The following TTLL3 variants were observed in gnomAD, a reference collection of about 807,000 sequenced individuals.
The protein encoded by TTLL3 is tubulin tyrosine ligase like 3.
A neutral mutation model predicts 75.2 loss-of-function variants in TTLL3; 63 were observed. That is an observed-to-expected ratio of 0.84 (90% confidence interval 0.68 to 1.03). TTLL3 has a LOEUF of 1.03. Among genes scored for constraint, TTLL3 ranks in the 50% least tolerant of loss-of-function variants. The pLI, the probability that TTLL3 is intolerant of heterozygous loss-of-function variation, is 0.00. For synonymous variants in TTLL3, 393 were observed against 418.5 expected (o/e 0.94, Z 0.74); for missense variants, 997 against 1,069.9 (o/e 0.93, Z 0.95).
At chr3:9,816,276 C>T in intron 5 of TTLL3, 74 bp downstream of exon 5, 2 of 1,285,858 alleles carry the variant, frequency 1.6e-6, no homozygotes, top group Non-Finnish European at 2.1e-6. Flanking sequence ...CCTCCCTGCT[C>T]ACCTTGTTAG....
intron 12 of TTLL3, 25 bp downstream of exon 12, chr3:9,833,270 A>C: frequency 2.5e-6 from 4 of 1,612,716 alleles, no homozygotes; most frequent in Middle Eastern, 1.8e-4. Context: ...ACCCCTACCC[A>C]CAGGTCAGCT....
intron 2 of TTLL3, among the ~76,000 whole-genome samples, chr3:9,812,043 T>C (rs991439125): frequency 1.3e-5 from 2 of 152,246 alleles, no homozygotes; most frequent in Non-Finnish European, 2.9e-5. Flanking sequence ...CTCTGTTTCA[T>C]AGCCCGTAAA....
intron 7 of TTLL3, chr3:9,819,266 C>T (rs1205067531): frequency 7.3e-6 from 2 of 275,448 alleles, no homozygotes; most frequent in African/African-American, 2.2e-5. Context: ...CCTATCCTTC[C>T]ACAGATCCAC....
Position 9,820,766 on chromosome 3 carries a change from T to C in TTLL3, c.854+25T>C, listed in dbSNP as rs1424158158. ...AGTGAGTCCCCTGCAGCTGGGACTT[T>C]GGGCTGTGGGCAGGTGCTTAGGGAT... On this transcript the variant is annotated intron_variant, in intron 8 of 13. Coordinates refer to ENST00000685419, the MANE Select transcript of TTLL3 (RefSeq NM_001387446.1). 3.8e-5 allele frequency: 62 copies of C among 1,612,408 alleles called. No homozygotes were observed. The Middle Eastern group carries it at 5.4e-4, about 14-fold the overall frequency.
Position 9,813,236 on chromosome 3 carries a change from C to T in TTLL3, c.218-12C>T. On this transcript the variant is annotated splice_polypyrimidine_tract_variant and intron_variant, in intron 3 of 13. Transcript: ENST00000685419. ...AGAGGAAACTCATCAGCTCTGGGCT[C>T]TGCATCCACAGAGGATGAAGATGAG... The T allele has an allele frequency of 5.6e-6, 9 of 1,614,208 alleles. No homozygotes were observed. The highest frequency in any genetic ancestry group is 7.6e-6 in the Non-Finnish European group (9 of 1,180,014).
rs1352402687 is a variant in TTLL3 at position 9,829,321 on chromosome 3, AC to A, written c.1612del (p.Leu538CysfsTer39). ...GCTCTGTGCTGGCGTGCAAGCTGAC[AC>A]CCTGCGCGTGGTCATTGACCGGATG... ...ARLCAGVQAD[T>X]LRVVIDRMLD... On this transcript the variant is annotated frameshift_variant, in exon 11 of 14. Coordinates refer to ENST00000685419, the MANE Select transcript of TTLL3 (RefSeq NM_001387446.1). LOFTEE classifies it high-confidence loss of function. 6.2e-7 allele frequency: 1 copy of A among 1,613,404 alleles called. No individual in the cohort carries two copies. Among genetic ancestry groups the A allele is most frequent in the Non-Finnish European group, 8.5e-7 (1 of 1,179,666 alleles).
At position 9,827,194 on chromosome 3, in the gene TTLL3, T is replaced by C; in HGVS notation, c.1201T>C (p.Tyr401His). The change falls in exon 10 of 14, where the codon TAT (tyrosine) becomes CAT (histidine). Residue 401 changes from tyrosine to histidine, a missense_variant. Coordinates refer to ENST00000685419, the MANE Select transcript of TTLL3 (RefSeq NM_001387446.1). ...TACCGTGTGGTTCTACCGCGACAGCTATATCCGCTTTTCCACGCAGCCCTT... is the reference window on the plus strand; with the variant it reads ...TACCGTGTGGTTCTACCGCGACAGCCATATCCGCTTTTCCACGCAGCCCTT... ...PLTVWFYRDS[Y>H]IRFSTQPFSL... 1.9e-6 allele frequency: 3 copies of C among 1,614,222 alleles called. No individual in the cohort carries two copies. Among genetic ancestry groups the C allele is most frequent in the Non-Finnish European group, 2.5e-6 (3 of 1,180,032 alleles).
intron 7 of TTLL3, chr3:9,819,544 C>T (rs553344508): frequency 3.0e-6 from 3 of 987,896 alleles, no homozygotes; most frequent in South Asian, 9.3e-5. Context: ...CTGGGCTTTA[C>T]ACATGGCCTG....
Position 9,833,265 on chromosome 3 carries a change from T to G in TTLL3, c.1825+20T>G, listed in dbSNP as rs2124996988. 6.2e-7 allele frequency: 1 copy of G among 1,612,952 alleles called. No individual in the cohort carries two copies. Reference sequence around the variant, plus strand: ...GGGAAGGCAAGGACTCGGGGACCCCTACCCACAGGTCAGCTTCTAGGAAAG... The same window carrying G: ...GGGAAGGCAAGGACTCGGGGACCCCGACCCACAGGTCAGCTTCTAGGAAAG... On this transcript the variant is annotated intron_variant, in intron 12 of 13. Coordinates refer to ENST00000685419, the MANE Select transcript of TTLL3 (RefSeq NM_001387446.1).
At chr3:9,826,732 A>G (rs938452115) in intron 9 of TTLL3, among the ~76,000 whole-genome samples, 1 of 151,570 alleles carries the variant, frequency 6.6e-6, no homozygotes, top group African/African-American at 2.4e-5. Context: ...TCTCAAAAAA[A>G]AAAAAAAAAA....
intron 8 of TTLL3, among the ~76,000 whole-genome samples, chr3:9,822,321 C>T (rs1475804650): frequency 1.3e-5 from 2 of 152,048 alleles, no homozygotes; most frequent in East Asian, 3.9e-4. Context: ...CCCTCCTCAG[C>T]CTCCCAAAGT....
At chr3:9,823,462 A>T (rs1437544071) in intron 8 of TTLL3, among the ~76,000 whole-genome samples, 1 of 139,904 alleles carries the variant, frequency 7.1e-6, no homozygotes, top group Non-Finnish European at 1.5e-5. Context: ...CCAGGTTTTC[A>T]TCAGGCTGAC....
upstream of TTLL3, chr3:9,810,174 G>C: frequency 6.8e-7 from 1 of 1,471,028 alleles, no homozygotes. The surrounding 1 kb of genome is among the most constrained non-coding windows in gnomAD (Gnocchi z 4.4). Flanking sequence ...GCCGCTCCGA[G>C]TTCCGTCCAC....
intron 7 of TTLL3, chr3:9,819,459 A>G: frequency 1.0e-6 from 1 of 987,446 alleles, no homozygotes; most frequent in African/African-American, 1.7e-5. Context: ...CACCCTGGAG[A>G]GGGCAGACTA....
intron 4 of TTLL3, 27 bp from the exon 5 acceptor site, chr3:9,816,047 T>A (rs2079827946): frequency 7.4e-7 from 1 of 1,342,766 alleles, no homozygotes; most frequent in Admixed American, 2.0e-5. Context: ...CTGGCCTCTG[T>A]GTTTCTGTCT....
chr3:9,835,815 G>A lies in TTLL3; in HGVS notation c.*326G>A. On this transcript the variant is annotated 3_prime_UTR_variant, in exon 14 of 14. Coordinates refer to ENST00000685419, the MANE Select transcript of TTLL3 (RefSeq NM_001387446.1). ...TGAGACAGGGGAAGGAATTGGCCTTGCCTAAACCTCAGCCCTTCTGCAGAG... is the reference window on the plus strand; with the variant it reads ...TGAGACAGGGGAAGGAATTGGCCTTACCTAAACCTCAGCCCTTCTGCAGAG... 1 of 299,924 alleles carries A rather than the reference G, an allele frequency of 3.3e-6. No homozygotes were observed. The highest frequency in any genetic ancestry group is 6.6e-5 in the East Asian group (1 of 15,198). 18.6% of individuals were successfully genotyped at this position (299,924 alleles called of 1,614,324 possible).
At position 9,820,750 on chromosome 3, in the gene TTLL3, C is replaced by A. The variant is rs759823327; in HGVS notation, c.854+9C>A. On this transcript the variant is annotated intron_variant, in intron 8 of 13. Transcript: ENST00000685419. ...TACTACCAAGTGGTCCAGTGAGTCCCCTGCAGCTGGGACTTTGGGCTGTGG... is the reference window on the plus strand; with the variant it reads ...TACTACCAAGTGGTCCAGTGAGTCCACTGCAGCTGGGACTTTGGGCTGTGG... 2 of 1,613,536 alleles carry A rather than the reference C, an allele frequency of 1.2e-6. No homozygotes were observed. Among genetic ancestry groups the A allele is most frequent in the Non-Finnish European group, 1.7e-6 (2 of 1,179,770 alleles).
Position 9,833,576 on chromosome 3 carries a change from G to A in TTLL3, c.1825+331G>A, listed in dbSNP as rs747861369. 1.6e-3 allele frequency among the ~76,000 whole-genome samples: 238 copies of A among 152,144 alleles called. 1 individual carries two copies. Among genetic ancestry groups the A allele is most frequent in the Non-Finnish European group, 2.7e-3 (184 of 68,032 alleles). On this transcript the variant is annotated intron_variant, in intron 12 of 13. Transcript: ENST00000685419. ...CCAAAACACCCGAGTGTTCCAAGGC[G>A]ATTTATTCCTGCTCTCCAGGCCCCT...
At chr3:9,811,709 CCA>C (rs1481782319) in intron 2 of TTLL3, among the ~76,000 whole-genome samples, 1 of 152,224 alleles carries the variant, frequency 6.6e-6, no homozygotes, top group Non-Finnish European at 1.5e-5. Flanking sequence ...GCAGGGCCTT[CCA>C]CAGTCTGGCC....
Sources: gnomAD v4.1 joint callset for allele counts (sites outside exome capture counted in the v4.1 genomes callset) on GRCh38, gnomAD v4.1.1 for gene constraint, Gnocchi (gnomAD v3.1) non-coding constraint, MANE v1.5 for transcripts, NCBI Gene and HGNC (gene_info 2026-07-23, HGNC 2026-07-21) for gene names.